LMBRD2: variants seen among roughly 807,000 people sequenced by gnomAD.
The protein encoded by LMBRD2 is G protein-coupled receptor-associated protein LMBRD2.
In LMBRD2, 55 loss-of-function variants were observed where a neutral mutation model predicts 94.4. The ratio of observed to expected loss-of-function variants is 0.58; its 90% confidence interval spans 0.47 to 0.73. The LOEUF (loss-of-function observed/expected upper bound fraction) is 0.73. Ranked by LOEUF, LMBRD2 falls within the 30% of genes least tolerant of loss-of-function variation. LMBRD2 has a pLI of 0.00. For synonymous variants in LMBRD2, 246 were observed against 272.4 expected (o/e 0.90, Z 0.95); for missense variants, 640 against 831.9 (o/e 0.77, Z 2.84).
intron 8 of LMBRD2, 21 bp downstream of exon 8, chr5:36,122,827 A>C: frequency 6.3e-7 from 1 of 1,584,890 alleles, no homozygotes; most frequent in Non-Finnish European, 8.5e-7. Flanking sequence ...TAAGTAAAAT[A>C]CTTATAATTA....
At position 36,137,348 on chromosome 5, in the gene LMBRD2, G is replaced by A. The variant is rs751008282; in HGVS notation, c.462C>T (p.Tyr154=). ...IKTALIENAI[Y]YGTYLLIFGA... ...CAAAAATCAGCAAATAGGTGCCATA[G>A]TAGATTGCATTCTCAATTAGTGCAG... The change falls in exon 5 of 18, where the codon TAC becomes TAT. Residue 154 remains tyrosine (Y), a synonymous_variant. Coordinates refer to ENST00000296603, the MANE Select transcript of LMBRD2 (RefSeq NM_001007527.2). 1.3e-5 allele frequency: 21 copies of A among 1,605,936 alleles called. No homozygotes were observed. In the African/African-American group the frequency reaches 1.9e-4, roughly 14 times the overall value.
intron 1 of LMBRD2, among the ~76,000 whole-genome samples, chr5:36,145,439 T>C (rs1744514542): frequency 6.6e-6 from 1 of 152,234 alleles, no homozygotes. Flanking sequence ...TTGCCTGGGC[T>C]GGTCTCGAAC....
intron 8 of LMBRD2, 32 bp downstream of exon 8, chr5:36,122,815 AT>A (rs769719776): frequency 6.4e-7 from 1 of 1,565,698 alleles, no homozygotes; most frequent in Non-Finnish European, 8.6e-7. Context: ...TAAAATCATC[AT>A]TAAGTAAAAT....
intron 6 of LMBRD2, among the ~76,000 whole-genome samples, chr5:36,135,990 T>C (rs1010795581): frequency 1.3e-5 from 2 of 152,252 alleles, no homozygotes; most frequent in Non-Finnish European, 2.9e-5. Context: ...AGGGTAACCA[T>C]ACAATTTATC....
At chr5:36,139,122 G>A (rs896869355) in intron 4 of LMBRD2, among the ~76,000 whole-genome samples, 1 of 152,214 alleles carries the variant, frequency 6.6e-6, no homozygotes, top group Non-Finnish European at 1.5e-5. Flanking sequence ...CACTTTCGGG[G>A]ACCCAGAAAG....
At chr5:36,110,026 A>G (rs753804884) in intron 14 of LMBRD2, 35 bp from the exon 15 acceptor site, 69 of 1,538,426 alleles carry the variant, frequency 4.5e-5, no homozygotes, top group Middle Eastern at 3.4e-4. Flanking sequence ...ATATGGCATA[A>G]CATGGTTTAA....
At chr5:36,134,110 A>G (rs1157489896) in intron 6 of LMBRD2, among the ~76,000 whole-genome samples, 6 of 152,168 alleles carry the variant, frequency 3.9e-5, no homozygotes, top group Non-Finnish European at 2.9e-5. Context: ...TGTAAAATTT[A>G]TCAAATATAA....
chr5:36,112,770 A>G (rs908630543), intron 13 of LMBRD2, among the ~76,000 whole-genome samples: 2 of 152,290 alleles, frequency 1.3e-5, no homozygotes, highest in East Asian at 3.9e-4. Context: ...ATAACCATCT[A>G]ATAAGGTAAG....
chr5:36,105,695 T>C (rs767630779), intron 16 of LMBRD2, among the ~76,000 whole-genome samples: 3 of 152,190 alleles, frequency 2.0e-5, no homozygotes, highest in Non-Finnish European at 2.9e-5. Flanking sequence ...CTAGTAGCTA[T>C]ATTAAAAAGT....
At chr5:36,128,331 C>T (rs1470359488) in intron 6 of LMBRD2, among the ~76,000 whole-genome samples, 1 of 152,180 alleles carries the variant, frequency 6.6e-6, no homozygotes, top group Admixed American at 6.5e-5. Flanking sequence ...ACTGCAAAGA[C>T]TATAAAGAAT....
chr5:36,133,629 GAGGTTCAGAGTT>G (rs1744204299), intron 6 of LMBRD2, among the ~76,000 whole-genome samples: 1 of 152,092 alleles, frequency 6.6e-6, no homozygotes, highest in Admixed American at 6.6e-5. Flanking sequence ...TTGATGGAAA[GAGGTTCAGAGTT>G]CTCCTGCTAT....
intron 16 of LMBRD2, among the ~76,000 whole-genome samples, chr5:36,105,718 G>C (rs1743451161): frequency 6.6e-6 from 1 of 152,128 alleles, no homozygotes; most frequent in African/African-American, 2.4e-5. Context: ...AAAGAAACAA[G>C]TGAAATTAAT....
intron 1 of LMBRD2, among the ~76,000 whole-genome samples, chr5:36,147,228 G>A (rs1046926593): frequency 1.3e-5 from 2 of 152,130 alleles, no homozygotes; most frequent in Non-Finnish European, 1.5e-5. Flanking sequence ...GTGATCCCAT[G>A]AAACTGGAGA....
Position 36,143,366 on chromosome 5 carries a change from C to T in LMBRD2, c.-17G>A. 6.2e-7 allele frequency: 1 copy of T among 1,605,104 alleles called. No homozygotes were observed. Among genetic ancestry groups the T allele is most frequent in the South Asian group, 1.1e-5 (1 of 90,008 alleles). On this transcript the variant is annotated 5_prime_UTR_variant, in exon 2 of 18. Transcript: ENST00000296603. ...ACCACTCATTATTGAATATTTCACT[C>T]TGACTAACCAAAGTTATTCATGTAC... is the stretch of plus-strand genomic sequence containing the variant.
At chr5:36,147,999 A>C in intron 1 of LMBRD2, 1 of 230,102 alleles carries the variant, frequency 4.3e-6, no homozygotes, top group Non-Finnish European at 9.7e-6. Context: ...CTAACTTCAC[A>C]TATCTGTATT....
At chr5:36,113,130 C>A (rs1743652818) in intron 13 of LMBRD2, among the ~76,000 whole-genome samples, 1 of 152,116 alleles carries the variant, frequency 6.6e-6, no homozygotes, top group Admixed American at 6.5e-5. Context: ...GCAGATAACC[C>A]AGCACCGCGC....
intron 6 of LMBRD2, among the ~76,000 whole-genome samples, chr5:36,128,041 G>C (rs1359977660): frequency 1.3e-5 from 2 of 152,148 alleles, no homozygotes; most frequent in East Asian, 3.9e-4. Context: ...CCCACCTCCA[G>C]GCAGCTCAGG....
intron 16 of LMBRD2, among the ~76,000 whole-genome samples, chr5:36,106,721 G>A (rs1004593689): frequency 6.6e-6 from 1 of 151,788 alleles, no homozygotes; most frequent in African/African-American, 2.4e-5. Flanking sequence ...TGTTGGCCAG[G>A]CTGGTCTCGA....
rs751412279 is a variant in LMBRD2 at position 36,143,171 on chromosome 5, C to T, written c.174+5G>A. ...TAAATTGTGAAAATAAATTTCACTCCTTACCGTACTAACATCCAGAGGCAG... is the reference window on the plus strand; with the variant it reads ...TAAATTGTGAAAATAAATTTCACTCTTTACCGTACTAACATCCAGAGGCAG... On this transcript the variant is annotated splice_donor_5th_base_variant and intron_variant, in intron 2 of 17. Coordinates refer to ENST00000296603, the MANE Select transcript of LMBRD2 (RefSeq NM_001007527.2). 1 of 1,571,526 alleles carries T rather than the reference C, an allele frequency of 6.4e-7. No homozygotes were observed. The highest frequency in any genetic ancestry group is 8.6e-7 in the Non-Finnish European group (1 of 1,158,166).
Sources: gnomAD v4.1 joint callset for allele counts (sites outside exome capture counted in the v4.1 genomes callset) on GRCh38, gnomAD v4.1.1 for gene constraint, MANE v1.5 for transcripts, NCBI Gene and HGNC (gene_info 2026-07-23, HGNC 2026-07-21) for gene names.